The following CAMKMT variants were observed in gnomAD, a reference collection of about 807,000 sequenced individuals.
CAMKMT encodes the protein CaM KMT.
Under a neutral mutation model 48.0 loss-of-function variants are expected in CAMKMT, and 53 were observed. The observed-to-expected ratio is 1.10, with a 90% confidence interval of 0.89 to 1.39. The LOEUF is 1.39. CAMKMT is among the 40% of genes most tolerant of loss of function. The pLI, the probability that CAMKMT is intolerant of heterozygous loss-of-function variation, is 0.00. For missense variants in CAMKMT, 428 were observed against 402.7 expected (o/e 1.06, Z -0.54); for synonymous variants, 165 against 152.3 (o/e 1.08, Z -0.61).
intron 3 of CAMKMT, among the ~76,000 whole-genome samples, chr2:44,499,214 C>T (rs1254075628): frequency 6.6e-6 from 1 of 152,086 alleles, no homozygotes; most frequent in Non-Finnish European, 1.5e-5. Context: ...TTGAATGATG[C>T]TAACAAGGAC....
intron 3 of CAMKMT, among the ~76,000 whole-genome samples, chr2:44,675,566 T>A (rs1675637346): frequency 6.6e-6 from 1 of 152,224 alleles, no homozygotes; most frequent in Non-Finnish European, 1.5e-5. Flanking sequence ...TTGTCAGATG[T>A]TGTGCCAAGT....
intron 9 of CAMKMT, among the ~76,000 whole-genome samples, chr2:44,757,362 G>T (rs1469900115): frequency 6.6e-6 from 1 of 152,212 alleles, no homozygotes; most frequent in African/African-American, 2.4e-5. Context: ...TCCTCGCAGA[G>T]AGAAGGTATA....
Position 44,707,432 on chromosome 2 carries a change from T to C in CAMKMT, c.526T>C (p.Leu176=). 6.2e-7 allele frequency: 1 copy of C among 1,612,868 alleles called. No individual in the cohort carries two copies. The highest frequency in any genetic ancestry group is 8.5e-7 in the Non-Finnish European group (1 of 1,179,330). Residue 176 remains leucine, a synonymous_variant, in exon 6 of 11, where the codon TTA becomes CTA. Coordinates refer to ENST00000378494, the MANE Select transcript of CAMKMT (RefSeq NM_024766.5). ...AISADVKEVL[L]TDGNEKAIRN... is the part of the protein sequence containing the mutation. ...TTCTGCAGATGTCAAAGAAGTTCTG[T>C]TAACTGATGGGAATGAAAAGGCCAT...
intron 3 of CAMKMT, among the ~76,000 whole-genome samples, chr2:44,619,939 C>A (rs1232904851): frequency 6.6e-6 from 1 of 152,190 alleles, no homozygotes; most frequent in African/African-American, 2.4e-5. Context: ...ATGTAATCAT[C>A]ACCCAGTCCC....
chr2:44,552,568 C>T (rs1667778898), intron 3 of CAMKMT, among the ~76,000 whole-genome samples: 1 of 152,160 alleles, frequency 6.6e-6, no homozygotes, highest in African/African-American at 2.4e-5. Context: ...CTGAGGCAAC[C>T]ACTCACCTCC....
At chr2:44,571,873 T>G (rs1486165418) in intron 3 of CAMKMT, among the ~76,000 whole-genome samples, 1 of 152,164 alleles carries the variant, frequency 6.6e-6, no homozygotes, top group Non-Finnish European at 1.5e-5. Flanking sequence ...CTTGCAGAGC[T>G]TATACTTGAG....
At chr2:44,416,318 T>A (rs569295205) in intron 3 of CAMKMT, among the ~76,000 whole-genome samples, 1 of 152,168 alleles carries the variant, frequency 6.6e-6, no homozygotes, top group African/African-American at 2.4e-5. Flanking sequence ...AGATATAATT[T>A]ACAGAAATGC....
chr2:44,447,373 C>T (rs940739653), intron 3 of CAMKMT, among the ~76,000 whole-genome samples: 14 of 152,164 alleles, frequency 9.2e-5, no homozygotes, highest in African/African-American at 3.4e-4. Context: ...TCATACCCCT[C>T]CTCCAAATAT....
At chr2:44,694,965 G>A (rs1215130163) in intron 3 of CAMKMT, among the ~76,000 whole-genome samples, 1 of 152,208 alleles carries the variant, frequency 6.6e-6, no homozygotes, top group Non-Finnish European at 1.5e-5. Flanking sequence ...AATAGGAAAT[G>A]ATATGCTTCT....
chr2:44,515,549 C>T (rs186887888), intron 3 of CAMKMT, among the ~76,000 whole-genome samples: 1 of 152,230 alleles, frequency 6.6e-6, no homozygotes, highest in Admixed American at 6.5e-5. Flanking sequence ...GGAGGACTTA[C>T]TCTGTTACAT....
intron 3 of CAMKMT, among the ~76,000 whole-genome samples, chr2:44,441,948 G>C (rs953675603): frequency 2.6e-5 from 4 of 151,982 alleles, no homozygotes; most frequent in Non-Finnish European, 5.9e-5. Context: ...CAGCACCTGC[G>C]GTATGCAGCT....
intron 3 of CAMKMT, among the ~76,000 whole-genome samples, chr2:44,497,709 A>AAGAGAGAGAGAGAGAGAGAGAGAGAGAG (rs70937918): frequency 1.4e-5 from 2 of 138,910 alleles, no homozygotes; most frequent in Non-Finnish European, 1.5e-5. Context: ...TAAGCAGGCA[A>AAGAGAGAGAGAGAGAGAGAGAGAGAGAG]AGAGAGAGAG....
intron 3 of CAMKMT, among the ~76,000 whole-genome samples, chr2:44,660,294 G>A (rs1347884636): frequency 6.6e-6 from 1 of 152,154 alleles, no homozygotes. Flanking sequence ...AGAGTGAAAA[G>A]GGCAAATATG....
At chr2:44,655,149 TTC>T (rs1674305623) in intron 3 of CAMKMT, among the ~76,000 whole-genome samples, 1 of 152,204 alleles carries the variant, frequency 6.6e-6, no homozygotes, top group Admixed American at 6.5e-5. Context: ...AGAGATCACT[TTC>T]ATGTAGACTT....
chr2:44,536,829 G>A (rs1666801196), intron 3 of CAMKMT, among the ~76,000 whole-genome samples: 1 of 152,070 alleles, frequency 6.6e-6, no homozygotes, highest in Non-Finnish European at 1.5e-5. Context: ...TAGACCAATG[G>A]AACAGAATAG....
At chr2:44,396,294 C>T (rs201433845) in intron 3 of CAMKMT, among the ~76,000 whole-genome samples, 1 of 151,824 alleles carries the variant, frequency 6.6e-6, no homozygotes, top group Non-Finnish European at 1.5e-5. Context: ...ATTCAAAAAG[C>T]GCATCAAAAA....
At chr2:44,651,218 T>C (rs1674044109) in intron 3 of CAMKMT, among the ~76,000 whole-genome samples, 2 of 152,250 alleles carry the variant, frequency 1.3e-5, no homozygotes, top group African/African-American at 4.8e-5. Flanking sequence ...GCTGTGTTTA[T>C]GAAGCTGTTA....
At chr2:44,704,938 G>GAA (rs201771458) in intron 4 of CAMKMT, among the ~76,000 whole-genome samples, 5 of 134,452 alleles carry the variant, frequency 3.7e-5, no homozygotes, top group Non-Finnish European at 4.9e-5. Context: ...TGGAATTTAG[G>GAA]AAAAAAAAAA....
chr2:44,652,887 T>C (rs1273924282), intron 3 of CAMKMT, among the ~76,000 whole-genome samples: 1 of 152,200 alleles, frequency 6.6e-6, no homozygotes, highest in East Asian at 1.9e-4. Context: ...ACCGAGCATC[T>C]AAAGTGTGGA....
Sources: gnomAD v4.1 joint callset for allele counts (sites outside exome capture counted in the v4.1 genomes callset) on GRCh38, gnomAD v4.1.1 for gene constraint, MANE v1.5 for transcripts, NCBI Gene and HGNC (gene_info 2026-07-23, HGNC 2026-07-21) for gene names.